Variants in CNTN4 observed in about 807,000 individuals in gnomAD.
CNTN4 encodes the protein contactin-4.
In CNTN4, 77 loss-of-function variants were observed where a neutral mutation model predicts 122.5. The ratio of observed to expected loss-of-function variants is 0.63; its 90% CI spans 0.52 to 0.76. CNTN4 has a LOEUF of 0.76. Ranked by LOEUF, CNTN4 falls within the 30% of genes least tolerant of loss-of-function variation. The pLI is 0.00. For missense variants in CNTN4, 1,256 were observed against 1,259.1 expected (o/e 1.00, Z 0.04); for synonymous variants, 512 against 447.0 (o/e 1.15, Z -1.83).
At chr3:2,673,829 G>T (rs570932185) in intron 4 of CNTN4, among the ~76,000 whole-genome samples, 26 of 152,144 alleles carry the variant, frequency 1.7e-4, no homozygotes, top group Non-Finnish European at 3.1e-4. Flanking sequence ...GGTGCGAGTC[G>T]CTGCGCCCGG....
chr3:2,401,936 G>A (rs1474030045), intron 3 of CNTN4, among the ~76,000 whole-genome samples: 8 of 152,134 alleles, frequency 5.3e-5, no homozygotes, highest in Admixed American at 5.2e-4. Flanking sequence ...GTTTCTCAGA[G>A]GAGCTAGGCA....
intron 2 of CNTN4, among the ~76,000 whole-genome samples, chr3:2,287,658 GAAGAAGAAGAA>G (rs2041961893): frequency 3.4e-4 from 11 of 31,912 alleles, no homozygotes; most frequent in African/African-American, 7.1e-4. Context: ...AGAAGAAGAA[GAAGAAGAAGAA>G]GAAGAAGAAG....
At chr3:2,565,994 A>G (rs2079142807) in intron 3 of CNTN4, among the ~76,000 whole-genome samples, 1 of 152,220 alleles carries the variant, frequency 6.6e-6, no homozygotes, top group Non-Finnish European at 1.5e-5. Context: ...ACTTATTCAC[A>G]GTTATGCTAT....
intron 2 of CNTN4, among the ~76,000 whole-genome samples, chr3:2,244,047 C>G (rs2040044543): frequency 6.6e-6 from 1 of 151,988 alleles, no homozygotes; most frequent in African/African-American, 2.4e-5. Context: ...ATCCATAGCC[C>G]ATACCACAAC....
chr3:2,484,728 C>G (rs1186764257), intron 3 of CNTN4, among the ~76,000 whole-genome samples: 1 of 152,216 alleles, frequency 6.6e-6, no homozygotes, highest in Non-Finnish European at 1.5e-5. Flanking sequence ...TATCCTGAGC[C>G]TATTGAGAGG....
At chr3:2,900,610 TTTGA>T (rs1355230057) in intron 10 of CNTN4, 71 bp from the exon 11 acceptor site, 5 of 1,515,598 alleles carry the variant, frequency 3.3e-6, no homozygotes, top group Admixed American at 3.4e-5. Context: ...ACTTTTGCCC[TTTGA>T]TTGAATATGA....
rs143591984 is a variant in CNTN4 at position 2,560,021 on chromosome 3, A to G, written c.-88-11395A>G. On this transcript the variant is annotated intron_variant, in intron 3 of 24. Transcript: ENST00000418658. ...AATACATAATGGCACAGGATCTTGA[A>G]TACACAGTTTATTTACCATTACATG... is the stretch of plus-strand genomic sequence containing the variant. Among the ~76,000 whole-genome samples the G allele has an allele frequency of 4.6e-5, 7 of 152,344 alleles. No homozygotes were observed. The East Asian group carries it at 1.3e-3, about 29-fold the overall frequency.
chr3:2,812,197 G>T (rs1181907443), intron 6 of CNTN4, among the ~76,000 whole-genome samples: 1 of 152,154 alleles, frequency 6.6e-6, no homozygotes, highest in Non-Finnish European at 1.5e-5. Context: ...CCTGGGTGAT[G>T]AAATAATCTG....
rs543020884 is a variant in CNTN4 at position 2,214,977 on chromosome 3, A to G, written c.-145+114338A>G. 1.4e-4 allele frequency among the ~76,000 whole-genome samples: 21 copies of G among 152,350 alleles called. No homozygotes were observed. The South Asian group carries it at 3.7e-3, about 27-fold the overall frequency. ...ACATAATGTACAGAAGTTGATACCA[A>G]TTCATATCCATGTATTCACAGCCTT... On this transcript the variant is annotated intron_variant, in intron 2 of 24. Coordinates refer to ENST00000418658, the MANE Select transcript of CNTN4 (RefSeq NM_175607.3).
chr3:2,705,816 A>ATT (rs1559409010), intron 4 of CNTN4, among the ~76,000 whole-genome samples: 2 of 106,948 alleles, frequency 1.9e-5, no homozygotes, highest in African/African-American at 3.9e-5. Flanking sequence ...TAATATATAT[A>ATT]ATATATAATA....
chr3:2,335,575 A>T (rs1397618184), intron 2 of CNTN4, among the ~76,000 whole-genome samples: 1 of 108,308 alleles, frequency 9.2e-6, no homozygotes, highest in Non-Finnish European at 1.9e-5. Context: ...CCAGAAAAAA[A>T]TTCTGTGGGT....
chr3:2,145,247 C>A (rs1198224619), intron 2 of CNTN4, among the ~76,000 whole-genome samples: 1 of 152,164 alleles, frequency 6.6e-6, no homozygotes, highest in Non-Finnish European at 1.5e-5. Context: ...GGTTCCCCCC[C>A]AGAAATAAAT....
intron 6 of CNTN4, among the ~76,000 whole-genome samples, chr3:2,747,206 G>A (rs968604110): frequency 1.3e-4 from 19 of 151,940 alleles, no homozygotes; most frequent in African/African-American, 3.1e-4. Flanking sequence ...TCAGGAGATC[G>A]AGACCATCCT....
intron 3 of CNTN4, among the ~76,000 whole-genome samples, chr3:2,532,285 C>T (rs1411860406): frequency 6.6e-6 from 1 of 151,988 alleles, no homozygotes. Context: ...CAGCATCTCA[C>T]CCTGTCACCC....
Position 2,549,945 on chromosome 3 carries a change from G to A in CNTN4, c.-88-21471G>A, listed in dbSNP as rs561963914. On this transcript the variant is annotated intron_variant, in intron 3 of 24. Coordinates refer to ENST00000418658, the MANE Select transcript of CNTN4 (RefSeq NM_175607.3). Reference sequence around the variant, plus strand: ...AGTCTTGGGAGGGTGTATGTATCCAGCAATTCATCCATTTCTTCTAGATTT... The same window carrying A: ...AGTCTTGGGAGGGTGTATGTATCCAACAATTCATCCATTTCTTCTAGATTT... Among the ~76,000 whole-genome samples, 5 of 152,212 alleles carry A rather than the reference G, an allele frequency of 3.3e-5. No homozygotes were observed. The East Asian group carries it at 9.7e-4, about 29-fold the overall frequency.
At chr3:2,587,733 C>G (rs888232440) in intron 4 of CNTN4, among the ~76,000 whole-genome samples, 1 of 152,104 alleles carries the variant, frequency 6.6e-6, no homozygotes, top group Admixed American at 6.5e-5. Flanking sequence ...AACTTGCTCT[C>G]CAGTTCAGTA....
intron 3 of CNTN4, among the ~76,000 whole-genome samples, chr3:2,402,464 T>G (rs1315350006): frequency 6.6e-6 from 1 of 152,130 alleles, no homozygotes; most frequent in Non-Finnish European, 1.5e-5. Flanking sequence ...ATGGGATATT[T>G]TGAAACAAAC....
chr3:2,877,737 A>G (rs1447325277), intron 8 of CNTN4, among the ~76,000 whole-genome samples: 1 of 152,164 alleles, frequency 6.6e-6, no homozygotes, highest in Admixed American at 6.6e-5. Context: ...ACTTCTGTAA[A>G]TCACTAGAGC....
chr3:2,996,842 C>A (rs1224626202), intron 14 of CNTN4, among the ~76,000 whole-genome samples: 2 of 152,234 alleles, frequency 1.3e-5, no homozygotes, highest in East Asian at 3.9e-4. Context: ...AATTCTTACT[C>A]CAGAGGAAGT....
Sources: allele counts gnomAD v4.1 joint callset (sites outside exome capture counted in the v4.1 genomes callset), GRCh38; gene constraint gnomAD v4.1.1; transcripts MANE v1.5; gene names NCBI Gene and HGNC (gene_info 2026-07-23, HGNC 2026-07-21).